The following DHX33 variants were observed in gnomAD, a reference collection of about 807,000 sequenced individuals.
The protein encoded by DHX33 is DEAH-box helicase 33, also known as ATP-dependent RNA helicase DHX33.
Under a neutral mutation model 72.5 loss-of-function variants are expected in DHX33, and 42 were observed. The observed-to-expected ratio is 0.58, with a 90% CI of 0.45 to 0.75. The LOEUF is 0.75. Among genes scored for constraint, DHX33 ranks in the 30% least tolerant of loss-of-function variants. The pLI is 0.00. For synonymous variants in DHX33, 358 were observed against 366.1 expected (o/e 0.98, Z 0.25); for missense variants, 842 against 917.5 (o/e 0.92, Z 1.06).
Position 5,462,265 on chromosome 17 carries a change from G to GCATACTTTCAGGGGAAGTTTCCCT in DHX33, c.678+30_678+53dup, listed in dbSNP as rs1250862803. 254 of 1,530,818 alleles carry GCATACTTTCAGGGGAAGTTTCCCT rather than the reference G, an allele frequency of 1.7e-4. 3 individuals are homozygous for GCATACTTTCAGGGGAAGTTTCCCT. The South Asian group carries it at 2.7e-3, about 16-fold the overall frequency. 94.8% of individuals were successfully genotyped at this position (1,530,818 alleles called of 1,614,324 possible). On this transcript the variant is annotated intron_variant, in intron 3 of 11. Transcript: ENST00000225296. Reference sequence around the variant, plus strand: ...AGGCCTGTTTCCTTCTGTGTGTTACGCATACTTTCAGGGGAAGTTTCCCTC... The same window carrying GCATACTTTCAGGGGAAGTTTCCCT: ...AGGCCTGTTTCCTTCTGTGTGTTACGCATACTTTCAGGGGAAGTTTCCCTCATACTTTCAGGGGAAGTTTCCCTC...
chr17:5,468,560 C>G lies in DHX33; in HGVS notation c.289+11G>C, dbSNP rs200830948. The G allele has an allele frequency of 1.4e-5, 22 of 1,603,264 alleles. 1 individual carries two copies. The East Asian group carries it at 4.9e-4, about 36-fold the overall frequency. ...AAGTGCAAGGAAGAGCCCGCCGGCG[C>G]GGCCACTCACCGATGAGGACCGCGT... is the stretch of plus-strand genomic sequence containing the variant. On this transcript the variant is annotated intron_variant, in intron 1 of 11. Transcript: ENST00000225296.
chr17:5,444,287 T>A lies in DHX33; in HGVS notation c.2042A>T (p.Asp681Val). Reference sequence around the variant, plus strand: ...CCACTGTGCATCTATGACGCAGAGGTCCCGCATGTAGCACTTGTTGGTGTA... The same window carrying A: ...CCACTGTGCATCTATGACGCAGAGGACCCGCATGTAGCACTTGTTGGTGTA... ...LLYTNKCYMR[D>V]LCVIDAQWLY... is the part of the protein sequence containing the mutation. The change falls in exon 12 of 12, where the codon GAC (aspartate) becomes GTC (valine). Residue 681 changes from aspartate to valine, a missense_variant. Asp to Val is a radical substitution (Grantham distance 152). Coordinates refer to ENST00000225296, the MANE Select transcript of DHX33 (RefSeq NM_020162.4). This position sits in a 1 kb window ranked among gnomAD's most constrained non-coding sequence, Gnocchi z 4.9. 6.2e-7 allele frequency: 1 copy of A among 1,614,046 alleles called. No homozygotes were observed. The highest frequency in any genetic ancestry group is 1.1e-5 in the South Asian group (1 of 91,072).
At chr17:5,456,560 C>T (rs1904334644) in intron 4 of DHX33, among the ~76,000 whole-genome samples, 1 of 152,164 alleles carries the variant, frequency 6.6e-6, no homozygotes, top group African/African-American at 2.4e-5. Context: ...CCACTCCAGC[C>T]TGGGCGACAG....
chr17:5,441,047 T>C lies in DHX33; in HGVS notation c.*3158A>G, dbSNP rs1916418469. On this transcript the variant is annotated 3_prime_UTR_variant, in exon 12 of 12. Coordinates refer to ENST00000225296, the MANE Select transcript of DHX33 (RefSeq NM_020162.4). ...AAATACAACATAAGCCTGAACCTAC[T>C]TGATTTTTTTTTCTCCCTCTAGTTA... 1 of 152,172 alleles carries C rather than the reference T, an allele frequency of 6.6e-6. No individual in the cohort carries two copies. The highest frequency in any genetic ancestry group is 1.5e-5 in the Non-Finnish European group (1 of 68,036). 9.4% of individuals were successfully genotyped at this position (152,172 alleles called of 1,614,324 possible). A position where few individuals can be genotyped will look rare whatever the true frequency, so the allele number is the denominator to read the frequency against.
chr17:5,450,765 TGTAATGTACAGAAAGAG>T (rs1480139337), intron 9 of DHX33, 25 bp downstream of exon 9: 1 of 1,613,204 alleles, frequency 6.2e-7, no homozygotes, highest in East Asian at 2.2e-5. Flanking sequence ...GACGGTTAAC[TGTAATGTACAGAAAGAG>T]GACTGAGGAG....
At chr17:5,460,041 C>G (rs1481828396) in intron 4 of DHX33, among the ~76,000 whole-genome samples, 9 of 143,568 alleles carry the variant, frequency 6.3e-5, no homozygotes, top group African/African-American at 2.5e-4. Context: ...TTGAGACAGA[C>G]CCTCGCCCTG....
chr17:5,458,088 G>T (rs966605169), intron 4 of DHX33, among the ~76,000 whole-genome samples: 1 of 152,130 alleles, frequency 6.6e-6, no homozygotes, highest in African/African-American at 2.4e-5. Context: ...TCTGAGTATA[G>T]AGTAGTTAAA....
At position 5,444,596 on chromosome 17, in the gene DHX33, A is replaced by T; in HGVS notation, c.1816-83T>A. 1 of 1,419,434 alleles carries T rather than the reference A, an allele frequency of 7.0e-7. No homozygotes were observed. Among genetic ancestry groups the T allele is most frequent in the Non-Finnish European group, 9.6e-7 (1 of 1,046,978 alleles). The allele number at this position is 1,419,434 out of a possible 1,614,324, so 87.9% of individuals were successfully genotyped here. On this transcript the variant is annotated intron_variant, in intron 11 of 11. Coordinates refer to ENST00000225296, the MANE Select transcript of DHX33 (RefSeq NM_020162.4). This position sits in a 1 kb window ranked among gnomAD's most constrained non-coding sequence, Gnocchi z 4.9. ...CTACACAGCGTGTTGGGGCAACTGG[A>T]CCCACTGGGGCAAAAGCAGCCCACA...
rs1044621047 is a variant in DHX33, at chr17:5,450,758, G to A, written c.1524+49C>T. 5.0e-6 allele frequency: 8 copies of A among 1,611,952 alleles called. No individual in the cohort carries two copies. The African/African-American group carries it at 5.3e-5, about 11-fold the overall frequency. ...TGGGTAGATGGTACTACTTTGGGACGGTTAACTGTAATGTACAGAAAGAGG... is the reference window on the plus strand; with the variant it reads ...TGGGTAGATGGTACTACTTTGGGACAGTTAACTGTAATGTACAGAAAGAGG... On this transcript the variant is annotated intron_variant, in intron 9 of 11. Coordinates refer to ENST00000225296, the MANE Select transcript of DHX33 (RefSeq NM_020162.4).
rs1904569791 is a variant in DHX33, at chr17:5,460,959, A to G, written c.829T>C (p.Ser277Pro). Residue 277 changes from serine to proline, a missense_variant, in exon 4 of 12, where the codon TCC (serine) becomes CCC (proline). Coordinates refer to ENST00000225296, the MANE Select transcript of DHX33 (RefSeq NM_020162.4). ...CATACCTGGTGGATCTGGAAGACGG[A>G]GACAAGCGCGGCGTGCAGGTAATCA... is the stretch of plus-strand genomic sequence containing the variant. ...QNDYLHAALV[S>P]VFQIHQEAPS... The G allele has an allele frequency of 6.2e-7, 1 of 1,612,990 alleles. No individual in the cohort carries two copies. Among genetic ancestry groups the G allele is most frequent in the East Asian group, 2.2e-5 (1 of 44,848 alleles).
chr17:5,448,900 A>C lies in DHX33; in HGVS notation c.1729-5T>G, dbSNP rs1264827734. 2.5e-6 allele frequency: 4 copies of C among 1,610,230 alleles called. No individual in the cohort carries two copies. Among genetic ancestry groups the C allele is most frequent in the Admixed American group, 1.7e-5 (1 of 59,836 alleles). On this transcript the variant is annotated splice_region_variant and splice_polypyrimidine_tract_variant and intron_variant, in intron 10 of 11. Transcript: ENST00000225296. ...AAAATTCTCTTTGCACCAATCCTGA[A>C]TAGGAGAAAGAGTGATATCACAATC...
chr17:5,463,065 C>T (rs1012697247), intron 2 of DHX33, among the ~76,000 whole-genome samples: 3 of 150,418 alleles, frequency 2.0e-5, no homozygotes, highest in Non-Finnish European at 2.9e-5. Flanking sequence ...GGCGACCGAG[C>T]GAGACTATCT....
chr17:5,447,945 G>A (rs1447896439), intron 11 of DHX33, among the ~76,000 whole-genome samples: 1 of 152,176 alleles, frequency 6.6e-6, no homozygotes, highest in Non-Finnish European at 1.5e-5. Context: ...TCGGGAGGCC[G>A]AGGCGGGCAA....
In DHX33 at chr17:5,444,774, G is replaced by C. The variant is rs932382804; in HGVS notation, c.1816-261C>G. Among the ~76,000 whole-genome samples the C allele has an allele frequency of 5.3e-5, 8 of 152,170 alleles. No individual in the cohort carries two copies. Among genetic ancestry groups the C allele is most frequent in the Non-Finnish European group, 1.0e-4 (7 of 68,024 alleles). The stretch of plus-strand genomic sequence containing the variant: ...GGCTGGGAGGGAGGTGCTCACATTA[G>C]CCACCAGACCACAGGCAGGTTGGGT... On this transcript the variant is annotated intron_variant, in intron 11 of 11. Transcript: ENST00000225296. The surrounding 1 kb of genome is among the most constrained non-coding windows in gnomAD (Gnocchi z 4.9).
chr17:5,450,284 G>A lies in DHX33; in HGVS notation c.1647C>T (p.Arg549=), dbSNP rs1916838375. Residue 549 remains arginine (R), a synonymous_variant, in exon 10 of 12, where the codon CGC becomes CGT. Coordinates refer to ENST00000225296, the MANE Select transcript of DHX33 (RefSeq NM_020162.4). ...PSRREEVQGV[R]KKFISSEGDH... ...CCCCCTCGCTGGATATGAACTTCTTGCGGACCCCTTGCACTTCCTCTCGCC... is the reference window on the plus strand; with the variant it reads ...CCCCCTCGCTGGATATGAACTTCTTACGGACCCCTTGCACTTCCTCTCGCC... 1.2e-6 allele frequency: 2 copies of A among 1,614,076 alleles called. No homozygotes were observed. Among genetic ancestry groups the A allele is most frequent in the African/African-American group, 1.3e-5 (1 of 74,922 alleles).
rs192466424 is a variant in DHX33, at chr17:5,466,559, T to C, written c.289+2012A>G. Among the ~76,000 whole-genome samples the C allele has an allele frequency of 3.5e-3, 539 of 152,318 alleles. 3 individuals carry two copies. The highest frequency in any genetic ancestry group is 0.014 in the Middle Eastern group (4 of 294). On this transcript the variant is annotated intron_variant, in intron 1 of 11. Transcript: ENST00000225296. ...CTCGATGGGATGGATCCACGATCAA[T>C]AGTGTCAGAGATAGTCTGTGAAAGT...
intron 4 of DHX33, 70 bp downstream of exon 4, chr17:5,460,869 G>T: frequency 6.6e-7 from 1 of 1,514,212 alleles, no homozygotes; most frequent in Non-Finnish European, 8.9e-7. Context: ...TTCTTTTCAA[G>T]GCTCAATGTT....
chr17:5,454,171 C>G (rs60423909), intron 6 of DHX33, among the ~76,000 whole-genome samples, 191 bp from the exon 7 acceptor site: 2 of 151,990 alleles, frequency 1.3e-5, no homozygotes, highest in East Asian at 3.9e-4. Flanking sequence ...AAGGCTTTGC[C>G]ATAAGCCCAC....
At chr17:5,446,219 C>T (rs1303579671) in intron 11 of DHX33, among the ~76,000 whole-genome samples, 2 of 152,196 alleles carry the variant, frequency 1.3e-5, no homozygotes, top group East Asian at 1.9e-4. Flanking sequence ...AAGCAATCCA[C>T]CTGCTTGGGC....
Sources: gnomAD v4.1 joint callset for allele counts (sites outside exome capture counted in the v4.1 genomes callset) on GRCh38, gnomAD v4.1.1 for gene constraint, Gnocchi (gnomAD v3.1) non-coding constraint, MANE v1.5 for transcripts, NCBI Gene and HGNC (gene_info 2026-07-23, HGNC 2026-07-21) for gene names.